Variants in FSTL4 observed in about 807,000 individuals in gnomAD.
The protein encoded by FSTL4 is follistatin like 4.
In FSTL4, 28 loss-of-function variants were observed where a neutral mutation model predicts 78.2. The ratio of observed to expected loss-of-function variants is 0.36; its 90% CI spans 0.27 to 0.49. FSTL4 has a LOEUF of 0.49. Ranked by LOEUF, FSTL4 falls within the 20% of genes least tolerant of loss-of-function variation. The pLI is 0.98. For missense variants in FSTL4, 922 were observed against 1,084.9 expected (o/e 0.85, Z 2.11); for synonymous variants, 422 against 440.5 (o/e 0.96, Z 0.53).
At chr5:133,485,681 C>A (rs1758118317) in intron 3 of FSTL4, among the ~76,000 whole-genome samples, 1 of 152,170 alleles carries the variant, frequency 6.6e-6, no homozygotes, top group African/African-American at 2.4e-5. Context: ...AGGAGGCACT[C>A]CTTCAGGCTG....
At chr5:133,352,401 T>C (rs1366693473) in intron 4 of FSTL4, among the ~76,000 whole-genome samples, 1 of 150,840 alleles carries the variant, frequency 6.6e-6, no homozygotes, top group Non-Finnish European at 1.5e-5. Context: ...CACATATATA[T>C]ACACATATAT....
chr5:133,696,660 A>G, the FSTL4 span, among the ~76,000 whole-genome samples: 1 of 152,252 alleles, frequency 6.6e-6, no homozygotes, highest in African/African-American at 2.4e-5. Flanking sequence ...GGATAAGTGA[A>G]CAGATGGACA....
intron 7 of FSTL4, among the ~76,000 whole-genome samples, chr5:133,248,994 C>T (rs935491285): frequency 7.2e-5 from 11 of 152,198 alleles, no homozygotes; most frequent in Non-Finnish European, 1.2e-4. Flanking sequence ...GCACTAGGGC[C>T]CAGAACCTCC....
rs540254803 is a variant in FSTL4, at chr5:133,306,653, C to T, written c.727+6001G>A. On this transcript the variant is annotated intron_variant, in intron 6 of 15. Transcript: ENST00000265342. ...CTCTGCCCCTGTTTTCTCAAGGCCC[C>T]CTGGAGGCATGCAGAGACCCTCTGG... 4.6e-5 allele frequency among the ~76,000 whole-genome samples: 7 copies of T among 152,296 alleles called. No homozygotes were observed. In the South Asian group the frequency reaches 1.5e-3, roughly 32 times the overall value.
chr5:133,703,775 G>C, the FSTL4 span, among the ~76,000 whole-genome samples: 3 of 152,198 alleles, frequency 2.0e-5, no homozygotes, highest in East Asian at 5.8e-4. Context: ...GGGCACAAAA[G>C]TAGGCCCCTG....
chr5:133,673,415 A>G, the FSTL4 span, among the ~76,000 whole-genome samples: 1 of 152,180 alleles, frequency 6.6e-6, no homozygotes, highest in East Asian at 1.9e-4. Context: ...TGGCTCTGCT[A>G]TCCTGGCTGT....
intron 3 of FSTL4, among the ~76,000 whole-genome samples, chr5:133,498,155 C>A (rs887822127): frequency 2.6e-5 from 4 of 152,184 alleles, no homozygotes; most frequent in African/African-American, 9.7e-5. Context: ...CCAGATAAAT[C>A]CTCAGGTGCC....
chr5:133,262,191 G>A (rs553669240), intron 6 of FSTL4, among the ~76,000 whole-genome samples: 79 of 152,232 alleles, frequency 5.2e-4, no homozygotes, highest in African/African-American at 1.8e-3. Flanking sequence ...AGCAATGCTG[G>A]AACAACTGCA....
chr5:133,690,066 C>CAA, the FSTL4 span, among the ~76,000 whole-genome samples: 1 of 132,538 alleles, frequency 7.5e-6, no homozygotes. Flanking sequence ...CATTTCAAAA[C>CAA]ACACAAACAA....
chr5:133,269,874 G>A (rs1752729813), intron 6 of FSTL4, among the ~76,000 whole-genome samples: 1 of 152,232 alleles, frequency 6.6e-6, no homozygotes. Context: ...GCTTAGAGAG[G>A]AGGTCTCAAA....
rs140755347 is a variant in FSTL4, at chr5:133,292,991, G to A, written c.727+19663C>T. Among the ~76,000 whole-genome samples the A allele has an allele frequency of 3.0e-3, 459 of 152,266 alleles. 1 individual carries two copies. Among genetic ancestry groups the A allele is most frequent in the African/African-American group, 0.011 (438 of 41,550 alleles). The stretch of plus-strand genomic sequence containing the variant: ...CAATGTTGGGTGATATTTCTCCTTC[G>A]TCAGGTGGAGGCCTGAGAAGAAAAT... On this transcript the variant is annotated intron_variant, in intron 6 of 15. Transcript: ENST00000265342.
intron 3 of FSTL4, among the ~76,000 whole-genome samples, chr5:133,517,482 CA>C (rs1561453878): frequency 5.0e-4 from 45 of 90,836 alleles, no homozygotes; most frequent in African/African-American, 1.9e-3. Context: ...ACACACACCA[CA>C]CACACACACA....
intron 6 of FSTL4, among the ~76,000 whole-genome samples, chr5:133,277,667 C>T (rs1483894366): frequency 2.0e-5 from 3 of 152,186 alleles, no homozygotes; most frequent in Non-Finnish European, 4.4e-5. Flanking sequence ...GGCTGGGGCC[C>T]TCCTAGACCT....
intron 3 of FSTL4, among the ~76,000 whole-genome samples, chr5:133,489,650 A>G (rs566943965): frequency 6.6e-6 from 1 of 152,300 alleles, no homozygotes; most frequent in East Asian, 1.9e-4. Context: ...CTTTTAGCAC[A>G]TAGACAGCAC....
At chr5:133,816,277 C>T in the FSTL4 span, among the ~76,000 whole-genome samples, 1 of 152,216 alleles carries the variant, frequency 6.6e-6, no homozygotes, top group Non-Finnish European at 1.5e-5. Context: ...TACATGGTTC[C>T]CAGCTCCAGC....
At chr5:133,453,477 A>G (rs372731100) in intron 3 of FSTL4, among the ~76,000 whole-genome samples, 24 of 152,342 alleles carry the variant, frequency 1.6e-4, no homozygotes, top group African/African-American at 5.8e-4. Flanking sequence ...ATAGGGACCT[A>G]TGCTGTCTTA....
chr5:133,581,811 T>C (rs1760417161), intron 2 of FSTL4, among the ~76,000 whole-genome samples: 1 of 152,240 alleles, frequency 6.6e-6, no homozygotes, highest in Admixed American at 6.5e-5. Flanking sequence ...GGTTCTAATG[T>C]ATGGACAAGT....
chr5:133,610,037 A>G (rs1307218253), intron 1 of FSTL4, among the ~76,000 whole-genome samples: 2 of 152,274 alleles, frequency 1.3e-5, no homozygotes, highest in Non-Finnish European at 2.9e-5. Context: ...AGTTTTATGA[A>G]ACAATGACTA....
chr5:133,468,722 C>G (rs1383360891), intron 3 of FSTL4, among the ~76,000 whole-genome samples: 1 of 152,178 alleles, frequency 6.6e-6, no homozygotes, highest in Non-Finnish European at 1.5e-5. Context: ...CAAACTCCCC[C>G]AGTTGTTCCT....
Sources: gnomAD v4.1 joint callset for allele counts (sites outside exome capture counted in the v4.1 genomes callset) on GRCh38, gnomAD v4.1.1 for gene constraint, MANE v1.5 for transcripts, NCBI Gene and HGNC (gene_info 2026-07-23, HGNC 2026-07-21) for gene names.